SPATC1: variants seen among roughly 807,000 people sequenced by gnomAD.
SPATC1 encodes the protein speriolin.
In SPATC1, 35 loss-of-function variants were observed where a neutral mutation model predicts 36.5. The observed-to-expected ratio is 0.96, with a 90% confidence interval of 0.73 to 1.27. The LOEUF (loss-of-function observed/expected upper bound fraction) is 1.27, where lower values mean the gene tolerates loss of function less well. SPATC1 is among the 50% of genes most tolerant of loss of function. The pLI is 0.00. For synonymous variants in SPATC1, 361 were observed against 353.6 expected, an observed-to-expected ratio of 1.02 and a Z score of -0.24; for missense variants, 779 against 796.0, an observed-to-expected ratio of 0.98 and a Z score of 0.26.
chr8:144,012,816 A>C, intron 1 of SPATC1, 90 bp downstream of exon 1: 3 of 1,365,018 alleles, frequency 2.2e-6, no homozygotes, highest in Non-Finnish European at 3.1e-6. Flanking sequence ...TCAGGAGGTC[A>C]TGGAGGGAGT....
At position 144,012,394 on chromosome 8, in the gene SPATC1, G is replaced by A; in HGVS notation, c.-122G>A. 1 of 769,118 alleles carries A rather than the reference G, an allele frequency of 1.3e-6. No homozygotes were observed. Among genetic ancestry groups the A allele is most frequent in the Non-Finnish European group, 2.2e-6 (1 of 464,566 alleles). 47.6% of individuals were successfully genotyped at this position (769,118 alleles called of 1,614,324 possible). A position where few individuals can be genotyped will look rare whatever the true frequency, so the allele number is the denominator to read the frequency against. ...AGCCTCTGACCTCACAATACCCAGGGCCCACTGGGCCAGCCTTGCAGACTC... is the reference window on the plus strand; with the variant it reads ...AGCCTCTGACCTCACAATACCCAGGACCCACTGGGCCAGCCTTGCAGACTC... On this transcript the variant is annotated 5_prime_UTR_variant, in exon 1 of 5. Coordinates refer to ENST00000377470, the MANE Select transcript of SPATC1 (RefSeq NM_198572.3).
In SPATC1 at chr8:144,012,659, C is replaced by T. The variant is rs151275778; in HGVS notation, c.144C>T (p.Leu48=). ...KSAIKTQAGG[L]GISGFTSGLG... ...CGATCAAGACTCAGGCAGGCGGGCTCGGCATCAGCGGGTTCACGAGTGGGC... is the reference window on the plus strand; with the variant it reads ...CGATCAAGACTCAGGCAGGCGGGCTTGGCATCAGCGGGTTCACGAGTGGGC... Residue 48 remains leucine (L), a synonymous_variant, in exon 1 of 5, where the codon CTC becomes CTT. Transcript: ENST00000377470. 1,517 of 1,551,704 alleles carry T rather than the reference C, an allele frequency of 9.8e-4. 13 individuals carry two copies. In the African/African-American group the frequency reaches 0.018, roughly 18 times the overall value.
chr8:144,023,035 G>C (rs1406945542), intron 1 of SPATC1, among the ~76,000 whole-genome samples: 3 of 9,918 alleles, frequency 3.0e-4, no homozygotes, highest in African/African-American at 8.7e-4. Context: ...GAGGAACCTC[G>C]TCCCTCAGGA....
chr8:144,036,657 C>G (rs1834904344), intron 1 of SPATC1, among the ~76,000 whole-genome samples: 1 of 152,118 alleles, frequency 6.6e-6, no homozygotes, highest in Admixed American at 6.6e-5. Flanking sequence ...AATAAAGTGG[C>G]AGAACATCTC....
intron 1 of SPATC1, among the ~76,000 whole-genome samples, chr8:144,021,121 G>C (rs1834518065): frequency 3.2e-3 from 4 of 1,238 alleles, no homozygotes; most frequent in Admixed American, 0.011. Context: ...TTTCTCCCAT[G>C]AGGATTCTCT....
In SPATC1 at chr8:144,046,646, A is replaced by G; in HGVS notation, c.1466A>G (p.Asp489Gly). The stretch of plus-strand genomic sequence containing the variant: ...CCACAGGCTTCCCTGAACCCCAGTG[A>G]CCACAAGCTGGATGAGAAGCTGTGC... Reference protein sequence around the residue: ...KIIQASLNPSDHKLDEKLCQR... With the variant: ...KIIQASLNPSGHKLDEKLCQR... The change falls in exon 5 of 5, where the codon GAC (aspartate) becomes GGC (glycine). Residue 489 changes from aspartate (D) to glycine (G), a missense_variant. Coordinates refer to ENST00000377470, the MANE Select transcript of SPATC1 (RefSeq NM_198572.3). This position sits in a 1 kb window ranked among gnomAD's most constrained non-coding sequence, Gnocchi z 6.6. The G allele has an allele frequency of 6.2e-7, 1 of 1,610,148 alleles. No individual in the cohort carries two copies.
At chr8:144,024,375 C>G (rs1254421331) in intron 1 of SPATC1, among the ~76,000 whole-genome samples, 2 of 131,834 alleles carry the variant, frequency 1.5e-5, no homozygotes, top group African/African-American at 5.3e-5. Context: ...CCAAAGGACC[C>G]CCTTCCCTCA....
At chr8:144,014,570 C>T (rs1387628903) in intron 1 of SPATC1, among the ~76,000 whole-genome samples, 1 of 152,188 alleles carries the variant, frequency 6.6e-6, no homozygotes, top group Non-Finnish European at 1.5e-5. Flanking sequence ...AGCAAGCCCT[C>T]TCCTCCCAGC....
At chr8:144,042,761 T>C (rs1246875530) in intron 4 of SPATC1, among the ~76,000 whole-genome samples, 1 of 152,126 alleles carries the variant, frequency 6.6e-6, no homozygotes, top group Non-Finnish European at 1.5e-5. Flanking sequence ...GCAAGCAGTG[T>C]CTTGGAATCC....
chr8:144,041,840 G>T (rs559890271), intron 4 of SPATC1: 1 of 565,418 alleles, frequency 1.8e-6, no homozygotes, highest in African/African-American at 2.0e-5. Flanking sequence ...CTCTCCAGCT[G>T]TGTTTATCTG....
chr8:144,027,049 G>A (rs1834698062), intron 1 of SPATC1, among the ~76,000 whole-genome samples: 1 of 146,378 alleles, frequency 6.8e-6, no homozygotes, highest in Non-Finnish European at 1.5e-5. Context: ...AGCCAGGATG[G>A]TCTCGATCTC....
At chr8:144,037,857 T>A (rs531556837) in intron 1 of SPATC1, among the ~76,000 whole-genome samples, 5 of 149,726 alleles carry the variant, frequency 3.3e-5, no homozygotes, top group Admixed American at 1.3e-4. Context: ...TTGGCCGGGC[T>A]CGGTGGCCAC....
intron 1 of SPATC1, among the ~76,000 whole-genome samples, chr8:144,021,078 A>C (rs1164145402): frequency 0.99 from 3,965 of 4,024 alleles, 1,964 homozygotes; most frequent in Middle Eastern, 1. Context: ...TGAGGACCTG[A>C]TGCCCCCAGG....
intron 3 of SPATC1, 45 bp from the exon 4 acceptor site, chr8:144,041,187 T>C (rs781850336): frequency 1.9e-6 from 3 of 1,608,372 alleles, no homozygotes; most frequent in Admixed American, 3.3e-5. Context: ...TGAGCCCAGC[T>C]CCTCTCACCC....
At position 144,024,274 on chromosome 8, in the gene SPATC1, A is replaced by C. The variant is rs1834625961; in HGVS notation, c.211+11548A>C. ...CCCTCATGACCTACTCACTCCCCTG[A>C]GGACCCTCTCCCTCAAGACCCTCTT... On this transcript the variant is annotated intron_variant, in intron 1 of 4. Transcript: ENST00000377470. Among the ~76,000 whole-genome samples the C allele has an allele frequency of 6.9e-5, 10 of 144,306 alleles. 1 individual carries two copies. The South Asian group carries it at 2.2e-3, about 32-fold the overall frequency. The allele number at this position is 144,306 out of a possible 152,430, so 94.7% of individuals were successfully genotyped here.
intron 1 of SPATC1, among the ~76,000 whole-genome samples, chr8:144,024,669 C>T (rs1326419061): frequency 6.6e-6 from 1 of 151,282 alleles, no homozygotes; most frequent in African/African-American, 2.4e-5. Flanking sequence ...TCTCAAGACC[C>T]TCTCTCCTCA....
chr8:144,047,109 C>G lies in SPATC1; in HGVS notation c.*153C>G. The G allele has an allele frequency of 1.2e-6, 1 of 862,798 alleles. No individual in the cohort carries two copies. The highest frequency in any genetic ancestry group is 1.8e-5 in the South Asian group (1 of 56,514). 53.4% of individuals were successfully genotyped at this position (862,798 alleles called of 1,614,324 possible). A position where few individuals can be genotyped will look rare whatever the true frequency, so the allele number is the denominator to read the frequency against. On this transcript the variant is annotated 3_prime_UTR_variant, in exon 5 of 5. Transcript: ENST00000377470. This position sits in a 1 kb window ranked among gnomAD's most constrained non-coding sequence, Gnocchi z 4.1. ...GCTCACCGGGCCCCGGCACCGTGCCCCTTCAGCCCTGTCTGCCCTGGAGGT... is the reference window on the plus strand; with the variant it reads ...GCTCACCGGGCCCCGGCACCGTGCCGCTTCAGCCCTGTCTGCCCTGGAGGT...
At position 144,040,664 on chromosome 8, in the gene SPATC1, G is replaced by C; in HGVS notation, c.863G>C (p.Gly288Ala). ...CCCCTCCAGACCTCCACCCCTATCG[G>C]AGCCATGGGCACACCTGCTCCCAAG... ...GAPLQTSTPI[G>A]AMGTPAPKTA... Residue 288 changes from glycine (G) to alanine (A), a missense_variant, in exon 3 of 5, where the codon GGA becomes GCA. Physicochemically the swap from Gly to Ala is moderately conservative, Grantham distance 60 (BLOSUM62 0). Coordinates refer to ENST00000377470, the MANE Select transcript of SPATC1 (RefSeq NM_198572.3). The C allele has an allele frequency of 1.2e-6, 2 of 1,613,194 alleles. No homozygotes were observed. The highest frequency in any genetic ancestry group is 1.7e-6 in the Non-Finnish European group (2 of 1,179,766).
intron 1 of SPATC1, among the ~76,000 whole-genome samples, chr8:144,030,187 A>C (rs1019666668): frequency 6.6e-6 from 1 of 152,142 alleles, no homozygotes; most frequent in African/African-American, 2.4e-5. Flanking sequence ...GTGTCTTTCG[A>C]TCTAAAGTGA....
Sources: gnomAD v4.1 joint callset for allele counts (sites outside exome capture counted in the v4.1 genomes callset) on GRCh38, gnomAD v4.1.1 for gene constraint, Gnocchi (gnomAD v3.1) non-coding constraint, MANE v1.5 for transcripts, NCBI Gene and HGNC (gene_info 2026-07-23, HGNC 2026-07-21) for gene names.